PTGES3: variants seen among roughly 807,000 people sequenced by gnomAD.
PTGES3 encodes the protein prostaglandin E synthase 3, also known as Hsp90 co-chaperone.
In PTGES3, 5 loss-of-function variants were observed where a neutral mutation model predicts 29.9. That is an observed-to-expected ratio of 0.17 (90% CI 0.09 to 0.35). The LOEUF is 0.35. Among genes scored for constraint, PTGES3 ranks in the 10% least tolerant of loss-of-function variants. PTGES3 has a pLI of 1.00. For missense variants in PTGES3, 128 were observed against 190.0 expected (o/e 0.67, Z 1.92); for synonymous variants, 49 against 57.8 (o/e 0.85, Z 0.69).
intron 5 of PTGES3, among the ~76,000 whole-genome samples, chr12:56,669,332 A>C (rs1453412072): frequency 6.6e-6 from 1 of 152,192 alleles, no homozygotes; most frequent in Non-Finnish European, 1.5e-5. Flanking sequence ...AGCTGGAATC[A>C]CAGGCATGCA....
chr12:56,670,459 G>A (rs1951960015), intron 4 of PTGES3, 95 bp from the exon 5 acceptor site: 1 of 855,198 alleles, frequency 1.2e-6, no homozygotes, highest in Non-Finnish European at 1.9e-6. Context: ...AAGAGACCAG[G>A]TCTTGCTATG....
At position 56,677,192 on chromosome 12, in the gene PTGES3, T is replaced by G. The variant is rs1227613951; in HGVS notation, c.3-4127A>C. 1.5e-4 allele frequency among the ~76,000 whole-genome samples: 22 copies of G among 150,210 alleles called. No individual in the cohort carries two copies. In the Admixed American group the frequency reaches 1.5e-3, roughly 10 times the overall value. ...AAGGCAGAGGTTGCAGTAAGCCAGA[T>G]AGCGCCACTGCACTCTAGCCTGGGC... On this transcript the variant is annotated intron_variant, in intron 1 of 7. Transcript: ENST00000262033.
intron 1 of PTGES3, among the ~76,000 whole-genome samples, chr12:56,685,318 T>C (rs1340803024): frequency 1.3e-5 from 2 of 152,138 alleles, no homozygotes; most frequent in Non-Finnish European, 2.9e-5. Flanking sequence ...AGCTGGTCTC[T>C]TCAAAACACT....
intron 1 of PTGES3, 49 bp downstream of exon 1, chr12:56,687,949 G>A (rs758424527): frequency 1.9e-6 from 3 of 1,603,182 alleles, no homozygotes; most frequent in South Asian, 1.1e-5. Context: ...CCCCCAACGC[G>A]GCCTCGGCCT....
intron 4 of PTGES3, 35 bp from the exon 5 acceptor site, chr12:56,670,399 G>A (rs1365276195): frequency 6.8e-7 from 1 of 1,468,798 alleles, no homozygotes. Flanking sequence ...CTAAGATTAG[G>A]CTAATTTGCA....
chr12:56,676,144 G>GT (rs199638911), intron 1 of PTGES3, among the ~76,000 whole-genome samples: 9,391 of 146,912 alleles, frequency 0.064, 773 homozygotes, highest in African/African-American at 0.19. Context: ...GGAGGGGGAG[G>GT]GGGAGGTGGA....
At chr12:56,678,060 G>A (rs1046062525) in intron 1 of PTGES3, among the ~76,000 whole-genome samples, 1 of 151,032 alleles carries the variant, frequency 6.6e-6, no homozygotes, top group African/African-American at 2.4e-5. Context: ...ACATTTATAG[G>A]CAAGGTGTTT....
intron 1 of PTGES3, among the ~76,000 whole-genome samples, chr12:56,674,811 G>C (rs1179076808): frequency 1.3e-5 from 1 of 76,700 alleles, no homozygotes; most frequent in Non-Finnish European, 2.3e-5. Context: ...GGGCAACAGA[G>C]CAAGACTCCA....
intron 1 of PTGES3, among the ~76,000 whole-genome samples, chr12:56,675,487 C>G (rs1009933928): frequency 2.8e-5 from 4 of 144,218 alleles, no homozygotes; most frequent in Admixed American, 2.1e-4. Flanking sequence ...CAAGATCACA[C>G]TACTGCACTC....
At chr12:56,667,899 G>C (rs948405154) in intron 5 of PTGES3, among the ~76,000 whole-genome samples, 2 of 152,362 alleles carry the variant, frequency 1.3e-5, no homozygotes. Flanking sequence ...CCTGAGGTCA[G>C]GAGTTCGAGG....
At chr12:56,666,036 T>A in intron 6 of PTGES3, 168 bp downstream of exon 6, 1 of 1,380,594 alleles carries the variant, frequency 7.2e-7, no homozygotes, top group African/African-American at 1.7e-5. Flanking sequence ...CCCTAATAGA[T>A]ACCCCCATTC....
intron 5 of PTGES3, among the ~76,000 whole-genome samples, chr12:56,668,415 G>C (rs1477316622): frequency 1.3e-5 from 2 of 152,126 alleles, no homozygotes; most frequent in Admixed American, 1.3e-4. Flanking sequence ...AACAAAGATA[G>C]CAAAATAAAA....
At chr12:56,678,327 G>A (rs773960546) in intron 1 of PTGES3, among the ~76,000 whole-genome samples, 2 of 151,898 alleles carry the variant, frequency 1.3e-5, no homozygotes, top group Admixed American at 1.3e-4. Flanking sequence ...ACAGGCGCCC[G>A]CCACCAAGCC....
Position 56,671,867 on chromosome 12 carries a change from C to T in PTGES3, c.187-20G>A, listed in dbSNP as rs753251092. On this transcript the variant is annotated intron_variant, in intron 3 of 7. Coordinates refer to ENST00000262033, the MANE Select transcript of PTGES3 (RefSeq NM_006601.7). The stretch of plus-strand genomic sequence containing the variant: ...GGAATCCTAAAAACAAAAGGACCAT[C>T]ATACCATTTATCTTTCCAGCATCAC... 7.1e-7 allele frequency: 1 copy of T among 1,415,206 alleles called. No individual in the cohort carries two copies. The allele number at this position is 1,415,206 out of a possible 1,614,324, so 87.7% of individuals were successfully genotyped here.
intron 1 of PTGES3, chr12:56,687,646 C>A: frequency 8.4e-7 from 1 of 1,191,328 alleles, no homozygotes; most frequent in Non-Finnish European, 1.0e-6. Context: ...AGAGGCGACC[C>A]ACGAAGGTTC....
rs574860440 is a variant in PTGES3, at chr12:56,678,157, A to G, written c.3-5092T>C. Among the ~76,000 whole-genome samples the G allele has an allele frequency of 9.2e-5, 14 of 152,220 alleles. No homozygotes were observed. The East Asian group carries it at 2.5e-3, about 27-fold the overall frequency. ...AGAACTTTGATGTCTCATTCCTCACATATTACAAATAGGTATTTTTAATTT... is the reference window on the plus strand; with the variant it reads ...AGAACTTTGATGTCTCATTCCTCACGTATTACAAATAGGTATTTTTAATTT... On this transcript the variant is annotated intron_variant, in intron 1 of 7. Transcript: ENST00000262033.
At chr12:56,677,266 T>C (rs61939902) in intron 1 of PTGES3, among the ~76,000 whole-genome samples, 16 of 147,190 alleles carry the variant, frequency 1.1e-4, no homozygotes, top group Middle Eastern at 3.6e-3. Context: ...AAAAAAAAAG[T>C]GCTACATTTT....
At chr12:56,687,322 A>G (rs1952921761) in intron 1 of PTGES3, 2 of 989,110 alleles carry the variant, frequency 2.0e-6, no homozygotes, top group Non-Finnish European at 1.2e-6. Flanking sequence ...TACCTGCTCA[A>G]TGGTAACTCC....
intron 1 of PTGES3, among the ~76,000 whole-genome samples, chr12:56,681,764 A>T (rs1295351187): frequency 1.3e-5 from 2 of 150,102 alleles, no homozygotes; most frequent in Non-Finnish European, 3.0e-5. Context: ...CTGAGGCAGG[A>T]GAATCGCTTG....
Sources: allele counts gnomAD v4.1 joint callset (sites outside exome capture counted in the v4.1 genomes callset), GRCh38; gene constraint gnomAD v4.1.1; transcripts MANE v1.5; gene names NCBI Gene and HGNC (gene_info 2026-07-23, HGNC 2026-07-21).